SH3GL2: variants seen among roughly 807,000 people sequenced by gnomAD.
The protein encoded by SH3GL2 is SH3 domain containing GRB2 like 2, endophilin A1, also known as endophilin-A1.
Under a neutral mutation model 46.0 loss-of-function variants are expected in SH3GL2, and 24 were observed. The ratio of observed to expected loss-of-function variants is 0.52; its 90% CI spans 0.38 to 0.73. SH3GL2 has a LOEUF of 0.73. SH3GL2 is among the 30% of genes least tolerant of loss of function. The probability of loss-of-function intolerance (pLI) is 0.00; values close to 1 mark genes in which losing one functional copy is unlikely to be tolerated. For synonymous variants in SH3GL2, 196 were observed against 147.1 expected (o/e 1.33, Z -2.40); for missense variants, 413 against 424.2 (o/e 0.97, Z 0.23).
At chr9:17,582,748 CA>C (rs1818299741) in intron 1 of SH3GL2, among the ~76,000 whole-genome samples, 1 of 152,160 alleles carries the variant, frequency 6.6e-6, no homozygotes, top group Non-Finnish European at 1.5e-5. Flanking sequence ...AGTCTGAGAC[CA>C]AGGTGCCAGT....
intron 1 of SH3GL2, chr9:17,590,585 G>T (rs1302509440): frequency 6.6e-6 from 1 of 151,994 alleles, no homozygotes; most frequent in Non-Finnish European, 1.5e-5. Flanking sequence ...TTCACCTTTT[G>T]ATCATTATAT....
At chr9:17,604,067 G>A (rs976292195) in intron 1 of SH3GL2, among the ~76,000 whole-genome samples, 16 of 152,124 alleles carry the variant, frequency 1.1e-4, no homozygotes, top group African/African-American at 3.4e-4. Flanking sequence ...CTGGTCCTAC[G>A]CTTGTTACAA....
intron 1 of SH3GL2, among the ~76,000 whole-genome samples, chr9:17,743,018 G>C (rs930216214): frequency 6.6e-6 from 1 of 152,302 alleles, no homozygotes; most frequent in African/African-American, 2.4e-5. Flanking sequence ...GTCAATTTTA[G>C]ATATCACCTC....
intron 1 of SH3GL2, among the ~76,000 whole-genome samples, chr9:17,581,211 C>T (rs1424691865): frequency 6.6e-6 from 1 of 151,924 alleles, no homozygotes; most frequent in Non-Finnish European, 1.5e-5. Context: ...TAGAGCGCTC[C>T]ATTTCCGCTA....
chr9:17,790,380 C>T, intron 6 of SH3GL2: 2 of 962,694 alleles, frequency 2.1e-6, no homozygotes, highest in Non-Finnish European at 2.5e-6. Context: ...TAAAATTAAC[C>T]ATCACATTGC....
intron 1 of SH3GL2, among the ~76,000 whole-genome samples, chr9:17,676,331 C>T (rs1261329913): frequency 6.6e-6 from 1 of 152,050 alleles, no homozygotes; most frequent in Non-Finnish European, 1.5e-5. Context: ...ACAGGCTGGG[C>T]ACGGTGGCTC....
At chr9:17,772,800 A>T (rs1823527117) in intron 3 of SH3GL2, among the ~76,000 whole-genome samples, 1 of 152,188 alleles carries the variant, frequency 6.6e-6, no homozygotes, top group Non-Finnish European at 1.5e-5. Context: ...TGCTTCTATG[A>T]CCATGAGTAT....
At chr9:17,725,697 C>A (rs193288229) in intron 1 of SH3GL2, among the ~76,000 whole-genome samples, 1 of 152,184 alleles carries the variant, frequency 6.6e-6, no homozygotes, top group Non-Finnish European at 1.5e-5. Context: ...TTTAAGGGCC[C>A]CAGTATTCTC....
In SH3GL2 at chr9:17,594,634, C is replaced by T. The variant is rs562835705; in HGVS notation, c.45+15347C>T. Among the ~76,000 whole-genome samples the T allele has an allele frequency of 5.5e-4, 84 of 151,976 alleles. 3 individuals are homozygous for T. In the South Asian group the frequency reaches 0.013, roughly 23 times the overall value. On this transcript the variant is annotated intron_variant, in intron 1 of 8. Coordinates refer to ENST00000380607, the MANE Select transcript of SH3GL2 (RefSeq NM_003026.5). ...CACGTTCTGCACATGTATCCTGGAA[C>T]TTAAAGTAAAATAAAAATTAAAAAA...
At chr9:17,586,839 T>C (rs1793255374) in intron 1 of SH3GL2, among the ~76,000 whole-genome samples, 1 of 152,078 alleles carries the variant, frequency 6.6e-6, no homozygotes, top group Admixed American at 6.5e-5. Context: ...GAGATTTGGG[T>C]GGGGACACAG....
intron 3 of SH3GL2, among the ~76,000 whole-genome samples, chr9:17,782,246 G>A (rs1448971215): frequency 2.0e-5 from 3 of 152,008 alleles, no homozygotes; most frequent in Admixed American, 1.3e-4. Context: ...TGTGGGACTC[G>A]TGATTTGGTG....
At chr9:17,748,483 C>T (rs939857495) in intron 2 of SH3GL2, among the ~76,000 whole-genome samples, 1 of 152,014 alleles carries the variant, frequency 6.6e-6, no homozygotes, top group Non-Finnish European at 1.5e-5. Flanking sequence ...CAACAGGCTG[C>T]CTCAGTTTTG....
intron 3 of SH3GL2, among the ~76,000 whole-genome samples, chr9:17,771,246 T>G (rs9406707): frequency 0.1 from 15,529 of 152,048 alleles, 876 homozygotes; most frequent in Non-Finnish European, 0.11. Context: ...TAAGATGAGG[T>G]CTCCTGAACC....
intron 1 of SH3GL2, among the ~76,000 whole-genome samples, chr9:17,680,074 A>G (rs1208828743): frequency 6.6e-6 from 1 of 152,112 alleles, no homozygotes; most frequent in Admixed American, 6.6e-5. Flanking sequence ...CATCAGGGAT[A>G]TTGGTCTAAA....
At chr9:17,716,254 T>C (rs1821754947) in intron 1 of SH3GL2, among the ~76,000 whole-genome samples, 1 of 152,160 alleles carries the variant, frequency 6.6e-6, no homozygotes, top group African/African-American at 2.4e-5. Flanking sequence ...TAATCTTTAG[T>C]TGTACGATAT....
At chr9:17,791,025 T>C (rs947954784) in intron 6 of SH3GL2, among the ~76,000 whole-genome samples, 1 of 152,174 alleles carries the variant, frequency 6.6e-6, no homozygotes, top group African/African-American at 2.4e-5. Context: ...TACGCATGAT[T>C]CTAAGCATAA....
intron 1 of SH3GL2, among the ~76,000 whole-genome samples, chr9:17,585,470 C>G (rs1038183717): frequency 6.6e-6 from 1 of 151,958 alleles, no homozygotes; most frequent in African/African-American, 2.4e-5. Context: ...GGTGTAGCCA[C>G]AAGAGGGGAC....
intron 1 of SH3GL2, among the ~76,000 whole-genome samples, chr9:17,579,800 C>T (rs1387855201): frequency 1.3e-5 from 2 of 152,170 alleles, no homozygotes; most frequent in Admixed American, 6.5e-5. Context: ...TCCTTCCCCG[C>T]CGCCCGCAGG....
At chr9:17,645,385 T>C (rs1431852382) in intron 1 of SH3GL2, among the ~76,000 whole-genome samples, 2 of 152,132 alleles carry the variant, frequency 1.3e-5, no homozygotes, top group Non-Finnish European at 2.9e-5. Flanking sequence ...AAGGTTAATA[T>C]TCTTATGTGT....
Sources: allele counts gnomAD v4.1 joint callset (sites outside exome capture counted in the v4.1 genomes callset), GRCh38; gene constraint gnomAD v4.1.1; transcripts MANE v1.5; gene names NCBI Gene and HGNC (gene_info 2026-07-23, HGNC 2026-07-21).